CYB5R4: variants seen among roughly 807,000 people sequenced by gnomAD.
CYB5R4 encodes the protein cytochrome b5 reductase 4, also known as N-terminal cytochrome b5 and cytochrome b5 oxidoreductase domain-containing protein.
CYB5R4 carries 55 observed loss-of-function variants against 70.2 expected under a neutral mutation model. The ratio of observed to expected loss-of-function variants is 0.78; its 90% CI spans 0.63 to 0.98. The LOEUF is 0.98. Among genes scored for constraint, CYB5R4 ranks in the 50% least tolerant of loss-of-function variants. CYB5R4 has a pLI of 0.00. For synonymous variants in CYB5R4, 197 were observed against 199.5 expected (o/e 0.99, Z 0.11); for missense variants, 562 against 612.6 (o/e 0.92, Z 0.87).
At chr6:83,928,743 A>G (rs991193278) in intron 10 of CYB5R4, among the ~76,000 whole-genome samples, 5 of 152,156 alleles carry the variant, frequency 3.3e-5, no homozygotes, top group Admixed American at 6.5e-5. Flanking sequence ...TGGAAATGAA[A>G]AGGTATTTTT....
chr6:83,873,789 G>A (rs1449809464), intron 2 of CYB5R4, among the ~76,000 whole-genome samples: 1 of 152,094 alleles, frequency 6.6e-6, no homozygotes, highest in Non-Finnish European at 1.5e-5. Flanking sequence ...AACAGAAAGT[G>A]TTAATCCAGT....
At chr6:83,919,920 C>T (rs2099466107) in intron 7 of CYB5R4, among the ~76,000 whole-genome samples, 2 of 151,996 alleles carry the variant, frequency 1.3e-5, no homozygotes, top group African/African-American at 4.8e-5. Context: ...ATGTTTAAAC[C>T]ACTAATGGTG....
intron 2 of CYB5R4, among the ~76,000 whole-genome samples, chr6:83,869,042 A>G (rs550188367): frequency 7.9e-4 from 121 of 152,216 alleles, no homozygotes; most frequent in Non-Finnish European, 1.5e-3. Context: ...AATGGATTTT[A>G]CTTATTTAGA....
intron 1 of CYB5R4, among the ~76,000 whole-genome samples, chr6:83,860,685 C>CTTAG (rs2099455796): frequency 1.3e-5 from 2 of 152,294 alleles, no homozygotes; most frequent in East Asian, 3.9e-4. Context: ...ACTCTTGAGT[C>CTTAG]TTAGCATCGT....
intron 4 of CYB5R4, among the ~76,000 whole-genome samples, chr6:83,909,347 T>A (rs2099464312): frequency 6.6e-6 from 1 of 152,194 alleles, no homozygotes; most frequent in South Asian, 2.1e-4. Context: ...TTTAGATTAG[T>A]TTTTTAGAAT....
chr6:83,943,025 A>G (rs2099470009), intron 14 of CYB5R4, among the ~76,000 whole-genome samples: 2 of 152,272 alleles, frequency 1.3e-5, no homozygotes, highest in Non-Finnish European at 2.9e-5. Context: ...AGGGGCAGCT[A>G]TGGGCACAGC....
At chr6:83,896,948 T>G (rs1276712718) in intron 3 of CYB5R4, among the ~76,000 whole-genome samples, 1 of 152,048 alleles carries the variant, frequency 6.6e-6, no homozygotes, top group African/African-American at 2.4e-5. Flanking sequence ...TTAGGGTACA[T>G]GTGCACAATG....
At chr6:83,897,861 T>C (rs1440082003) in intron 3 of CYB5R4, among the ~76,000 whole-genome samples, 2 of 152,160 alleles carry the variant, frequency 1.3e-5, no homozygotes, top group African/African-American at 4.8e-5. Flanking sequence ...ACTCTGATGG[T>C]AGTTTCTTTT....
At chr6:83,912,073 A>G (rs1588573839) in intron 4 of CYB5R4, among the ~76,000 whole-genome samples, 2 of 151,674 alleles carry the variant, frequency 1.3e-5, no homozygotes, top group African/African-American at 4.8e-5. Flanking sequence ...AAAAAAAAAA[A>G]AAAAGCCTAT....
intron 12 of CYB5R4, among the ~76,000 whole-genome samples, chr6:83,937,343 C>T (rs952183432): frequency 3.9e-5 from 6 of 151,984 alleles, no homozygotes; most frequent in Non-Finnish European, 7.4e-5. Context: ...TGGAGCCCTC[C>T]TCTTCCCCTG....
chr6:83,905,396 A>T (rs1398788410), intron 3 of CYB5R4, among the ~76,000 whole-genome samples: 1 of 151,826 alleles, frequency 6.6e-6, no homozygotes, highest in Non-Finnish European at 1.5e-5. Flanking sequence ...TTTCCTGTAG[A>T]TGTATCTGTG....
intron 2 of CYB5R4, among the ~76,000 whole-genome samples, chr6:83,867,646 A>G (rs1216922894): frequency 6.6e-6 from 1 of 152,248 alleles, no homozygotes; most frequent in Non-Finnish European, 1.5e-5. Context: ...GATTACTGGT[A>G]ACTTCTAGCA....
chr6:83,892,095 A>T (rs975543997), intron 2 of CYB5R4, among the ~76,000 whole-genome samples: 1 of 152,182 alleles, frequency 6.6e-6, no homozygotes, highest in African/African-American at 2.4e-5. Context: ...ATGGGAAAAA[A>T]TTCTTCTAAA....
intron 10 of CYB5R4, among the ~76,000 whole-genome samples, chr6:83,931,804 T>TATATATA (rs56378960): frequency 5.2e-5 from 7 of 135,094 alleles, no homozygotes; most frequent in African/African-American, 1.9e-4. Flanking sequence ...TATATATATA[T>TATATATA]TTTTTTTTTA....
chr6:83,902,793 T>C (rs1216021398), intron 3 of CYB5R4, among the ~76,000 whole-genome samples: 5 of 152,184 alleles, frequency 3.3e-5, no homozygotes, highest in Non-Finnish European at 7.4e-5. Context: ...GTAGCTATGG[T>C]TAATGGGATT....
chr6:83,877,571 T>C (rs1262103456), intron 2 of CYB5R4, among the ~76,000 whole-genome samples: 1 of 151,988 alleles, frequency 6.6e-6, no homozygotes, highest in Non-Finnish European at 1.5e-5. Context: ...TGGGGGAGGA[T>C]GTGCCAGGCT....
chr6:83,862,151 A>G (rs2099456054), intron 1 of CYB5R4, among the ~76,000 whole-genome samples: 1 of 152,320 alleles, frequency 6.6e-6, no homozygotes, highest in East Asian at 1.9e-4. Context: ...ATTCAATGAG[A>G]TAATGTTTCT....
chr6:83,860,136 GAC>G (rs1341386874), intron 1 of CYB5R4, among the ~76,000 whole-genome samples: 1 of 150,966 alleles, frequency 6.6e-6, no homozygotes, highest in East Asian at 2.0e-4. Context: ...AAATTTATAT[GAC>G]AGAGCCAGGC....
chr6:83,899,498 T>G (rs1315468921), intron 3 of CYB5R4, among the ~76,000 whole-genome samples: 2 of 152,138 alleles, frequency 1.3e-5, no homozygotes, highest in Non-Finnish European at 2.9e-5. Context: ...TTAGGGAGGA[T>G]TCCCTCTTTT....
Sources: allele counts gnomAD v4.1 joint callset (sites outside exome capture counted in the v4.1 genomes callset), GRCh38; gene constraint gnomAD v4.1.1; transcripts MANE v1.5; gene names NCBI Gene and HGNC (gene_info 2026-07-23, HGNC 2026-07-21).